Variants in PHLPP1 observed in about 807,000 individuals in gnomAD.
The protein encoded by PHLPP1 is PH domain leucine-rich repeat-containing protein phosphatase 1.
A neutral mutation model predicts 117.2 loss-of-function variants in PHLPP1; 42 were observed. The ratio of observed to expected loss-of-function variants is 0.36; its 90% CI spans 0.28 to 0.46. The LOEUF is 0.46. PHLPP1 is among the 20% of genes least tolerant of loss of function. The pLI is 1.00. For synonymous variants in PHLPP1, 1,042 were observed against 970.7 expected, an observed-to-expected ratio of 1.07 and a Z score of -1.37; for missense variants, 2,084 against 2,241.9, an observed-to-expected ratio of 0.93 and a Z score of 1.42.
intron 1 of PHLPP1, among the ~76,000 whole-genome samples, chr18:62,786,167 A>T (rs1374212507): frequency 6.6e-6 from 1 of 152,220 alleles, no homozygotes; most frequent in African/African-American, 2.4e-5. Flanking sequence ...GCTAATGCTC[A>T]CAGGTAAAAG....
chr18:62,779,572 C>T (rs1246994584), intron 1 of PHLPP1: 3 of 152,200 alleles, frequency 2.0e-5, no homozygotes, highest in African/African-American at 7.2e-5. Context: ...TAAATAGGTA[C>T]TAATTGATAT....
At chr18:62,795,617 G>A (rs764590682) in intron 1 of PHLPP1, among the ~76,000 whole-genome samples, 1 of 151,882 alleles carries the variant, frequency 6.6e-6, no homozygotes, top group Non-Finnish European at 1.5e-5. Context: ...TTCTCTACAG[G>A]AATCTTTACA....
intron 1 of PHLPP1, among the ~76,000 whole-genome samples, chr18:62,751,600 A>G (rs1043026794): frequency 2.6e-5 from 4 of 152,198 alleles, no homozygotes; most frequent in Non-Finnish European, 5.9e-5. Context: ...GTCGCTCCTG[A>G]ATCCCTTTAA....
At chr18:62,890,089 GTAGA>G (rs1916370712) in intron 4 of PHLPP1, among the ~76,000 whole-genome samples, 1 of 26,788 alleles carries the variant, frequency 3.7e-5, no homozygotes, top group Admixed American at 3.1e-4. Flanking sequence ...CGTAAAGCTA[GTAGA>G]GTAGTGTTTT....
At chr18:62,930,521 C>T (rs695107) in intron 10 of PHLPP1, among the ~76,000 whole-genome samples, 71,754 of 151,940 alleles carry the variant, frequency 0.47, 17,064 homozygotes, top group Middle Eastern at 0.58. Context: ...ATTTAATTAT[C>T]CTATGTACAT....
chr18:62,830,583 G>A (rs1044565948), intron 2 of PHLPP1, among the ~76,000 whole-genome samples: 6 of 152,084 alleles, frequency 3.9e-5, no homozygotes, highest in Admixed American at 2.0e-4. Flanking sequence ...CATCAGTAAG[G>A]ACCTTACTTT....
intron 12 of PHLPP1, among the ~76,000 whole-genome samples, chr18:62,952,872 A>G (rs1382053439): frequency 6.6e-6 from 1 of 152,122 alleles, no homozygotes; most frequent in South Asian, 2.1e-4. Flanking sequence ...TCCTTCCACA[A>G]CGGTCTCCCA....
chr18:62,884,068 G>A (rs766461569), intron 4 of PHLPP1, among the ~76,000 whole-genome samples: 3 of 152,156 alleles, frequency 2.0e-5, no homozygotes, highest in Non-Finnish European at 4.4e-5. Flanking sequence ...GTCAATCAGC[G>A]GAGGAATGGA....
intron 4 of PHLPP1, among the ~76,000 whole-genome samples, chr18:62,864,170 C>T (rs1417083615): frequency 5.3e-5 from 8 of 151,968 alleles, no homozygotes; most frequent in Admixed American, 2.6e-4. Flanking sequence ...TATAGGCGCC[C>T]GCCACCACTC....
intron 1 of PHLPP1, among the ~76,000 whole-genome samples, chr18:62,749,854 A>G (rs989921329): frequency 2.0e-5 from 3 of 152,198 alleles, no homozygotes; most frequent in African/African-American, 7.2e-5. Context: ...CGTCTTTACT[A>G]AAAATATAAA....
intron 1 of PHLPP1, among the ~76,000 whole-genome samples, chr18:62,805,531 A>AT (rs1194530326): frequency 1.3e-5 from 2 of 151,628 alleles, no homozygotes; most frequent in Non-Finnish European, 2.9e-5. Context: ...TAACTTTTTA[A>AT]TTTTTTTTGT....
chr18:62,963,476 A>G lies in PHLPP1; in HGVS notation c.3560+4A>G. 6.3e-7 allele frequency: 1 copy of G among 1,593,290 alleles called. No individual in the cohort carries two copies. Among genetic ancestry groups the G allele is most frequent in the South Asian group, 1.1e-5 (1 of 89,092 alleles). ...AAGCTTCGGGGGTAAAAAACAAGTAAGTCAGATGAAACTTTAGAGGAAGAA... is the reference window on the plus strand; with the variant it reads ...AAGCTTCGGGGGTAAAAAACAAGTAGGTCAGATGAAACTTTAGAGGAAGAA... On this transcript the variant is annotated splice_donor_region_variant and intron_variant, in intron 14 of 16. Coordinates refer to ENST00000262719, the MANE Select transcript of PHLPP1 (RefSeq NM_194449.4).
At position 62,895,934 on chromosome 18, in the gene PHLPP1, T is replaced by C; in HGVS notation, c.2367T>C (p.Cys789=). 6.2e-7 allele frequency: 1 copy of C among 1,613,900 alleles called. No individual in the cohort carries two copies. The highest frequency in any genetic ancestry group is 1.3e-5 in the African/African-American group (1 of 75,052). The change falls in exon 6 of 17, where the codon TGT becomes TGC. Residue 789 remains cysteine, a synonymous_variant. Transcript: ENST00000262719. The part of the protein sequence containing the change: ...LEKLTAVDKL[C]MSGNCVETLR... ...AATTGACTGCTGTGGATAAACTTTG[T>C]ATGTCTGGAAACTGTGTGGAGACCC...
intron 14 of PHLPP1, among the ~76,000 whole-genome samples, chr18:62,965,102 A>G (rs71353374): frequency 6.6e-6 from 1 of 152,206 alleles, no homozygotes; most frequent in Non-Finnish European, 1.5e-5. Flanking sequence ...TAGAAAATGG[A>G]CAGCATCCCA....
At chr18:62,951,142 C>T (rs1019573517) in intron 12 of PHLPP1, among the ~76,000 whole-genome samples, 5 of 152,108 alleles carry the variant, frequency 3.3e-5, no homozygotes, top group Admixed American at 6.5e-5. Flanking sequence ...CCACCACGCC[C>T]GGCTATTTTT....
intron 14 of PHLPP1, among the ~76,000 whole-genome samples, chr18:62,971,586 A>G (rs1022154169): frequency 3.9e-5 from 6 of 152,174 alleles, no homozygotes; most frequent in African/African-American, 1.2e-4. Context: ...CAATGCACGG[A>G]GACCACAGCC....
intron 6 of PHLPP1, among the ~76,000 whole-genome samples, chr18:62,898,732 A>G (rs2144402594): frequency 6.6e-6 from 1 of 152,292 alleles, no homozygotes; most frequent in African/African-American, 2.4e-5. Context: ...CACAATATCC[A>G]ACTGCATTAC....
chr18:62,803,357 G>A (rs987028492), intron 1 of PHLPP1, among the ~76,000 whole-genome samples: 9 of 151,752 alleles, frequency 5.9e-5, no homozygotes, highest in South Asian at 2.1e-4. Flanking sequence ...CAAGTCCCCC[G>A]CTTTTCCCCC....
chr18:62,943,835 C>T (rs1482002365), intron 11 of PHLPP1, among the ~76,000 whole-genome samples: 1 of 152,066 alleles, frequency 6.6e-6, no homozygotes, highest in South Asian at 2.1e-4. Context: ...ATGATGATAA[C>T]ATATTTAAAT....
Sources: gnomAD v4.1 joint callset for allele counts (sites outside exome capture counted in the v4.1 genomes callset) on GRCh38, gnomAD v4.1.1 for gene constraint, MANE v1.5 for transcripts, NCBI Gene and HGNC (gene_info 2026-07-23, HGNC 2026-07-21) for gene names.